NDRG3: variants seen among roughly 807,000 people sequenced by gnomAD.
The protein encoded by NDRG3 is protein NDRG3.
A neutral mutation model predicts 57.2 loss-of-function variants in NDRG3; 23 were observed. The observed-to-expected ratio is 0.40, with a 90% CI of 0.29 to 0.57. NDRG3 has a LOEUF of 0.57. NDRG3 is among the 20% of genes least tolerant of loss of function. NDRG3 has a pLI of 0.42. For synonymous variants in NDRG3, 132 were observed against 162.6 expected, an observed-to-expected ratio of 0.81 and a Z score of 1.43; for missense variants, 384 against 457.3, an observed-to-expected ratio of 0.84 and a Z score of 1.46.
chr20:36,699,036 G>A (rs1983035264), intron 3 of NDRG3, among the ~76,000 whole-genome samples: 1 of 152,076 alleles, frequency 6.6e-6, no homozygotes, highest in Non-Finnish European at 1.5e-5. Context: ...AGAACTCCTG[G>A]GCTCAAGCAA....
chr20:36,679,689 A>C (rs541616226), intron 8 of NDRG3, among the ~76,000 whole-genome samples: 1 of 150,908 alleles, frequency 6.6e-6, no homozygotes, highest in African/African-American at 2.4e-5. Flanking sequence ...TTTTTAGTAG[A>C]GACGGAGTTT....
chr20:36,714,027 G>C (rs763530738), intron 2 of NDRG3, among the ~76,000 whole-genome samples: 1 of 152,132 alleles, frequency 6.6e-6, no homozygotes. Context: ...CATATGCTCA[G>C]AAAATACTCA....
At chr20:36,695,963 G>C (rs778461949) in intron 3 of NDRG3, among the ~76,000 whole-genome samples, 1 of 152,002 alleles carries the variant, frequency 6.6e-6, no homozygotes, top group African/African-American at 2.4e-5. Context: ...GTCTCCCCCC[G>C]GACACCCAGC....
intron 1 of NDRG3, among the ~76,000 whole-genome samples, chr20:36,745,504 C>T (rs1986141468): frequency 6.6e-6 from 1 of 152,204 alleles, no homozygotes; most frequent in Admixed American, 6.5e-5. Context: ...TTCACCTTTC[C>T]GTGCCTCAGT....
intron 1 of NDRG3, among the ~76,000 whole-genome samples, chr20:36,740,095 C>A (rs753461438): frequency 6.6e-6 from 1 of 152,110 alleles, no homozygotes; most frequent in African/African-American, 2.4e-5. Flanking sequence ...TAAAGCCTGG[C>A]GGAAACCACC....
intron 2 of NDRG3, among the ~76,000 whole-genome samples, chr20:36,720,265 C>A (rs1327925780): frequency 2.0e-5 from 3 of 151,606 alleles, no homozygotes; most frequent in Admixed American, 2.0e-4. Flanking sequence ...CTCTGCCTTC[C>A]GGGTTCAAGT....
At chr20:36,743,549 T>G (rs2148239529) in intron 1 of NDRG3, among the ~76,000 whole-genome samples, 1 of 151,280 alleles carries the variant, frequency 6.6e-6, no homozygotes, top group East Asian at 2.0e-4. Flanking sequence ...GCTTGGTGGC[T>G]CACGCCTGTA....
rs1472873619 is a variant in NDRG3 at position 36,652,562 on chromosome 20, T to C, written c.*958A>G. ...ACCCATTTCTCCCCCATCTACATGCTTTTTAGGCCAAACCTCTCCCCTTTC... is the reference window on the plus strand; with the variant it reads ...ACCCATTTCTCCCCCATCTACATGCCTTTTAGGCCAAACCTCTCCCCTTTC... On this transcript the variant is annotated 3_prime_UTR_variant, in exon 16 of 16. Coordinates refer to ENST00000349004, the MANE Select transcript of NDRG3 (RefSeq NM_032013.4). 6.6e-6 allele frequency: 1 copy of C among 151,912 alleles called. No homozygotes were observed. The highest frequency in any genetic ancestry group is 1.5e-5 in the Non-Finnish European group (1 of 68,012). The allele number at this position is 151,912 out of a possible 1,614,324, so 9.4% of individuals were successfully genotyped here.
chr20:36,706,352 C>A (rs990417888), intron 3 of NDRG3, among the ~76,000 whole-genome samples: 8 of 152,114 alleles, frequency 5.3e-5, no homozygotes, highest in African/African-American at 1.9e-4. Context: ...AGGTAGCAAC[C>A]CTCCATTTGC....
At position 36,653,494 on chromosome 20, in the gene NDRG3, C is replaced by T; in HGVS notation, c.*26G>A. 1 of 1,601,834 alleles carries T rather than the reference C, an allele frequency of 6.2e-7. No homozygotes were observed. The highest frequency in any genetic ancestry group is 8.5e-7 in the Non-Finnish European group (1 of 1,171,086). On this transcript the variant is annotated 3_prime_UTR_variant, in exon 16 of 16. Coordinates refer to ENST00000349004, the MANE Select transcript of NDRG3 (RefSeq NM_032013.4). This position sits in a 1 kb window ranked among gnomAD's most constrained non-coding sequence, Gnocchi z 4.2. ...AGTGGTCATTTGAAGGATGGACTTGCAATGGTCCAGGGGAGGAGCATCTGC... is the reference window on the plus strand; with the variant it reads ...AGTGGTCATTTGAAGGATGGACTTGTAATGGTCCAGGGGAGGAGCATCTGC...
At chr20:36,725,364 C>T (rs909711840) in intron 1 of NDRG3, among the ~76,000 whole-genome samples, 5 of 151,894 alleles carry the variant, frequency 3.3e-5, no homozygotes, top group African/African-American at 7.3e-5. Context: ...AATCCCAGCA[C>T]GCTGGGAGGC....
chr20:36,683,299 G>A (rs924641244), intron 6 of NDRG3, among the ~76,000 whole-genome samples: 1 of 151,888 alleles, frequency 6.6e-6, no homozygotes, highest in African/African-American at 2.4e-5. Flanking sequence ...CTACTTTCAA[G>A]TTGGTTTTAA....
chr20:36,718,218 G>T (rs78386605), intron 2 of NDRG3, among the ~76,000 whole-genome samples: 4 of 152,216 alleles, frequency 2.6e-5, no homozygotes, highest in South Asian at 4.1e-4. Flanking sequence ...ATACTGGGGA[G>T]GGGGAGAGGG....
chr20:36,738,419 CG>C (rs1273727524), intron 1 of NDRG3, among the ~76,000 whole-genome samples: 2 of 145,318 alleles, frequency 1.4e-5, no homozygotes, highest in African/African-American at 5.1e-5. Context: ...TGCTTGAATC[CG>C]GGGGACAGAG....
intron 9 of NDRG3, among the ~76,000 whole-genome samples, chr20:36,670,582 G>C (rs1980057775): frequency 6.6e-6 from 1 of 152,108 alleles, no homozygotes. Context: ...CTTAAAATCA[G>C]ACTAATAGAA....
At chr20:36,713,328 A>AAAGCAACCCAAGAAGGTAAATT in intron 2 of NDRG3, among the ~76,000 whole-genome samples, 1 of 152,214 alleles carries the variant, frequency 6.6e-6, no homozygotes, top group South Asian at 2.1e-4. Flanking sequence ...AAAGGTAAAT[A>AAAGCAACCCAAGAAGGTAAATT]AAGCAACCCA....
At chr20:36,706,915 A>G in intron 3 of NDRG3, 57 bp downstream of exon 3, 1 of 1,472,692 alleles carries the variant, frequency 6.8e-7, no homozygotes, top group South Asian at 1.2e-5. Context: ...CACCACAGGA[A>G]AGGAAACACT....
chr20:36,680,726 C>A, intron 8 of NDRG3, 90 bp downstream of exon 8: 1 of 927,826 alleles, frequency 1.1e-6, no homozygotes, highest in Non-Finnish European at 1.7e-6. Context: ...CATTTTTACC[C>A]TTAACTGTAT....
Position 36,671,323 on chromosome 20 carries a change from G to C in NDRG3, c.588+18C>G, listed in dbSNP as rs183892594. 12 of 1,604,924 alleles carry C rather than the reference G, an allele frequency of 7.5e-6. No homozygotes were observed. The highest frequency in any genetic ancestry group is 1.0e-5 in the Non-Finnish European group (12 of 1,172,988). On this transcript the variant is annotated intron_variant, in intron 9 of 15. Coordinates refer to ENST00000349004, the MANE Select transcript of NDRG3 (RefSeq NM_032013.4). ...CAAGCCAATAAACACAGCTCTTCTG[G>C]GTGGAACAGGTACTTACCTGCCCAA...
Sources: gnomAD v4.1 joint callset for allele counts (sites outside exome capture counted in the v4.1 genomes callset) on GRCh38, gnomAD v4.1.1 for gene constraint, Gnocchi (gnomAD v3.1) non-coding constraint, MANE v1.5 for transcripts, NCBI Gene and HGNC (gene_info 2026-07-23, HGNC 2026-07-21) for gene names.